IL1RAPL1: variants seen among roughly 807,000 people sequenced by gnomAD.
IL1RAPL1 encodes interleukin 1 receptor accessory protein like 1.
A neutral mutation model predicts 48.4 loss-of-function variants in IL1RAPL1; 3 were observed. That is an observed-to-expected ratio of 0.06 (90% confidence interval 0.03 to 0.16). The LOEUF is 0.16. Ranked by LOEUF, IL1RAPL1 falls within the 10% of genes least tolerant of loss-of-function variation. IL1RAPL1 has a pLI of 1.00. For synonymous variants in IL1RAPL1, 185 were observed against 187.7 expected (o/e 0.99, Z 0.12); for missense variants, 349 against 530.6 (o/e 0.66, Z 3.36).
In IL1RAPL1 at chrX:29,880,805, T is replaced by C. The variant is rs142093328; in HGVS notation, c.779-36659T>C. ...TTTGCTGAAGGAGTTTTTAAAGAGA[T>C]ACCACAATAATTATTTTCTTGCTTG... On this transcript the variant is annotated intron_variant, in intron 6 of 10. Coordinates refer to ENST00000378993, the MANE Select transcript of IL1RAPL1 (RefSeq NM_014271.4). Among the ~76,000 whole-genome samples the C allele has an allele frequency of 6.8e-3, 754 of 111,433 alleles. 4 individuals carry two copies. The highest frequency in any genetic ancestry group is 0.023 in the African/African-American group (699 of 30,770).
chrX:28,601,067 C>T (rs970749678), intron 1 of IL1RAPL1, among the ~76,000 whole-genome samples: 6 of 111,512 alleles, frequency 5.4e-5, no homozygotes, highest in African/African-American at 2.0e-4. Flanking sequence ...AATGGGCAAC[C>T]ATTCATTAAA....
chrX:28,927,423 T>C (rs1923774639), intron 2 of IL1RAPL1, among the ~76,000 whole-genome samples: 1 of 112,133 alleles, frequency 8.9e-6, no homozygotes, highest in African/African-American at 3.2e-5. Flanking sequence ...AAAAATACGC[T>C]CTTTTGATTC....
At chrX:29,157,024 G>A (rs751794500) in intron 2 of IL1RAPL1, among the ~76,000 whole-genome samples, 1 of 111,714 alleles carries the variant, frequency 9.0e-6, no homozygotes, top group African/African-American at 3.3e-5. Flanking sequence ...GAGAAAGAGT[G>A]GAGAAAAAGA....
intron 2 of IL1RAPL1, among the ~76,000 whole-genome samples, chrX:28,811,969 G>A (rs1006140801): frequency 1.8e-4 from 20 of 110,925 alleles, no homozygotes; most frequent in Non-Finnish European, 3.6e-4. Context: ...AGACAGTGTG[G>A]TCCTCCTTGG....
In IL1RAPL1 at chrX:29,689,128, A is replaced by T. The variant is rs148941143; in HGVS notation, c.778+20624A>T. 1.4e-3 allele frequency among the ~76,000 whole-genome samples: 155 copies of T among 112,125 alleles called. 2 individuals are homozygous for T. The East Asian group carries it at 0.042, about 30-fold the overall frequency. On this transcript the variant is annotated intron_variant, in intron 6 of 10. Transcript: ENST00000378993. ...TCTGTTTACAAGTGGATCAATGATT[A>T]TATCTACTAATGGAAAATGGTAGAT...
At chrX:29,844,647 A>G (rs1161120121) in intron 6 of IL1RAPL1, among the ~76,000 whole-genome samples, 1 of 112,360 alleles carries the variant, frequency 8.9e-6, no homozygotes, top group African/African-American at 3.2e-5. Context: ...TTACATTGTA[A>G]TAGGTATTAT....
At chrX:29,445,990 T>C (rs1417859317) in intron 5 of IL1RAPL1, among the ~76,000 whole-genome samples, 2 of 112,208 alleles carry the variant, frequency 1.8e-5, no homozygotes, top group Non-Finnish European at 3.8e-5. Flanking sequence ...TTAATAATTC[T>C]AGTACACGAC....
At chrX:28,739,439 CTTGTTAT>C (rs962457506) in intron 1 of IL1RAPL1, among the ~76,000 whole-genome samples, 1 of 111,625 alleles carries the variant, frequency 9.0e-6, no homozygotes, top group Non-Finnish European at 1.9e-5. Flanking sequence ...ATATTTAATG[CTTGTTAT>C]TTCCCAGGCA....
intron 2 of IL1RAPL1, among the ~76,000 whole-genome samples, chrX:28,990,352 A>G (rs186584071): frequency 8.9e-6 from 1 of 112,290 alleles, no homozygotes; most frequent in African/African-American, 3.2e-5. Flanking sequence ...GAAGTTTCTT[A>G]AAACTAAATC....
intron 3 of IL1RAPL1, among the ~76,000 whole-genome samples, chrX:29,353,907 G>A (rs1401492779): frequency 9.3e-6 from 1 of 106,998 alleles, no homozygotes; most frequent in Non-Finnish European, 1.9e-5. Context: ...TGGCACTATG[G>A]TAAGTGTTTT....
chrX:29,430,506 A>G (rs1026368999), intron 5 of IL1RAPL1, among the ~76,000 whole-genome samples: 1 of 110,663 alleles, frequency 9.0e-6, no homozygotes, highest in African/African-American at 3.3e-5. Flanking sequence ...CTGTTTCTTT[A>G]TTGTTCAAAG....
intron 5 of IL1RAPL1, among the ~76,000 whole-genome samples, chrX:29,522,596 A>T (rs747428941): frequency 1.8e-5 from 2 of 112,118 alleles, no homozygotes; most frequent in South Asian, 3.8e-4. Context: ...TAAAAGCATG[A>T]CATTTTAAAT....
chrX:28,669,312 A>C lies in IL1RAPL1; in HGVS notation c.-25+81265A>C, dbSNP rs768868746. Among the ~76,000 whole-genome samples, 4 of 111,165 alleles carry C rather than the reference A, an allele frequency of 3.6e-5. No homozygotes were observed. The South Asian group carries it at 1.5e-3, about 42-fold the overall frequency. On this transcript the variant is annotated intron_variant, in intron 1 of 10. Transcript: ENST00000378993. ...GAAATGGGGATGGTTCAGGTAGAAC[A>C]ACACAATTAAAAATGTAGCCCCAAG...
At chrX:28,831,014 CTCTCTCTCTCTCTGTGTGTGTGTGTG>C (rs1191769779) in intron 2 of IL1RAPL1, among the ~76,000 whole-genome samples, 29 of 63,385 alleles carry the variant, frequency 4.6e-4, no homozygotes, top group Admixed American at 8.2e-4. Context: ...CTCTCTCTCT[CTCTCTCTCTCTCTGTGTGTGTGTGTG>C]TGTGTGTGTG....
intron 5 of IL1RAPL1, among the ~76,000 whole-genome samples, chrX:29,618,910 T>C: frequency 2.7e-5 from 3 of 111,919 alleles, no homozygotes; most frequent in Middle Eastern, 9.2e-3. Context: ...TTTAATTTTT[T>C]CTCAAGTACA....
At chrX:28,596,864 A>G (rs766518962) in intron 1 of IL1RAPL1, among the ~76,000 whole-genome samples, 29 of 111,435 alleles carry the variant, frequency 2.6e-4, no homozygotes, top group Non-Finnish European at 5.1e-4. Context: ...TGTTATTATA[A>G]TTCAAGATAG....
chrX:28,745,437 A>G (rs1039695334), intron 1 of IL1RAPL1, among the ~76,000 whole-genome samples: 1 of 111,850 alleles, frequency 8.9e-6, no homozygotes, highest in African/African-American at 3.3e-5. Context: ...ACTTACTAGT[A>G]AGGAAATAGG....
intron 6 of IL1RAPL1, among the ~76,000 whole-genome samples, chrX:29,903,239 A>G (rs781098195): frequency 1.1e-4 from 12 of 110,915 alleles, no homozygotes; most frequent in Non-Finnish European, 2.1e-4. Flanking sequence ...ATTTCTGAAT[A>G]AAGCTTTCTA....
chrX:29,538,342 T>TC (rs1169272041), intron 5 of IL1RAPL1, among the ~76,000 whole-genome samples: 13 of 99,677 alleles, frequency 1.3e-4, no homozygotes, highest in East Asian at 3.0e-4. Flanking sequence ...TCTTTTCTTT[T>TC]TTTTTTTTTT....
Sources: gnomAD v4.1 joint callset for allele counts (sites outside exome capture counted in the v4.1 genomes callset) on GRCh38, gnomAD v4.1.1 for gene constraint, MANE v1.5 for transcripts, NCBI Gene and HGNC (gene_info 2026-07-23, HGNC 2026-07-21) for gene names.